The following SYTL2 variants were observed in gnomAD, a reference collection of about 807,000 sequenced individuals.
SYTL2 encodes the protein synaptotagmin-like protein 2.
In SYTL2, 165 loss-of-function variants were observed where a neutral mutation model predicts 198.7. That is an observed-to-expected ratio of 0.83 (90% CI 0.73 to 0.94). SYTL2 has a LOEUF of 0.94. Among genes scored for constraint, SYTL2 ranks in the 40% least tolerant of loss-of-function variants. SYTL2 has a pLI of 0.00. For missense variants in SYTL2, 2,835 were observed against 2,582.8 expected, an observed-to-expected ratio of 1.10 and a Z score of -2.12; for synonymous variants, 966 against 917.7, an observed-to-expected ratio of 1.05 and a Z score of -0.95.
Position 85,718,941 on chromosome 11 carries a change from T to C in SYTL2, c.5429-98A>G. The C allele has an allele frequency of 5.8e-6, 9 of 1,554,988 alleles. No homozygotes were observed. The East Asian group carries it at 1.9e-4, about 33-fold the overall frequency. ...GGAAGCCCCCGGAGTTGGAAGCAAT[T>C]AGTCAAGATGCAATGAGGGGTGCAA... is the stretch of plus-strand genomic sequence containing the variant. On this transcript the variant is annotated intron_variant, in intron 9 of 19. Transcript: ENST00000359152.
chr11:85,789,334 GTGTGTGTATATA>G (rs1210218541), intron 1 of SYTL2, among the ~76,000 whole-genome samples: 2 of 27,462 alleles, frequency 7.3e-5, no homozygotes, highest in East Asian at 1.6e-3. Flanking sequence ...ATGTGTGTGT[GTGTGTGTATATA>G]TATATATATA....
chr11:85,795,116 G>T (rs1327082503), intron 1 of SYTL2, among the ~76,000 whole-genome samples: 2 of 152,108 alleles, frequency 1.3e-5, no homozygotes, highest in Non-Finnish European at 2.9e-5. Flanking sequence ...ATGTATAAAA[G>T]ACTTAGTCTA....
intron 7 of SYTL2, 196 bp downstream of exon 7, chr11:85,733,743 G>T: frequency 2.0e-6 from 1 of 490,886 alleles, no homozygotes; most frequent in Non-Finnish European, 3.6e-6. Context: ...GGGACTACAG[G>T]CGCCCGCCAC....
Position 85,725,017 on chromosome 11 carries a change from T to C in SYTL2, c.4341A>G (p.Gly1447=), listed in dbSNP as rs1253315047. The C allele has an allele frequency of 1.2e-6, 2 of 1,614,036 alleles. No individual in the cohort carries two copies. Among genetic ancestry groups the C allele is most frequent in the South Asian group, 1.1e-5 (1 of 91,060 alleles). ...GAGACATTTGGGCAGCTAAATAAGA[T>C]CCAACTTCATGAGTTTTATCAGGAA... ...NVVPDKTHEV[G]SYLAAQMSPS... Residue 1447 remains glycine, a synonymous_variant, in exon 8 of 20, where the codon GGA becomes GGG. Transcript: ENST00000359152.
chr11:85,729,760 T>G (rs889170448), intron 7 of SYTL2, among the ~76,000 whole-genome samples: 1 of 151,690 alleles, frequency 6.6e-6, no homozygotes, highest in Non-Finnish European at 1.5e-5. Context: ...CTGAAGGAGA[T>G]AGTGACACAA....
At position 85,782,034 on chromosome 11, in the gene SYTL2, C is replaced by G. The variant is rs191879503; in HGVS notation, c.-389-23920G>C. 1.1e-4 allele frequency among the ~76,000 whole-genome samples: 16 copies of G among 152,336 alleles called. No individual in the cohort carries two copies. In the East Asian group the frequency reaches 2.9e-3, roughly 28 times the overall value. ...CCAGTGGGGACTGGGTGTGGGGTCT[C>G]CAACCCCACAGTTCCCTTCTGCACT... is the stretch of plus-strand genomic sequence containing the variant. On this transcript the variant is annotated intron_variant, in intron 1 of 19. Transcript: ENST00000359152.
intron 7 of SYTL2, among the ~76,000 whole-genome samples, chr11:85,733,247 T>A (rs2089985532): frequency 6.6e-6 from 1 of 152,162 alleles, no homozygotes; most frequent in African/African-American, 2.4e-5. Flanking sequence ...ATTAATAAAT[T>A]TGCATTAGGT....
chr11:85,773,954 C>T (rs1488846820), intron 1 of SYTL2, among the ~76,000 whole-genome samples: 1 of 66,354 alleles, frequency 1.5e-5, no homozygotes, highest in Non-Finnish European at 3.0e-5. Context: ...TGATGTCCAG[C>T]TATGTGGTTT....
chr11:85,725,492 C>T lies in SYTL2; in HGVS notation c.3866G>A (p.Gly1289Asp), dbSNP rs371022633. 6.2e-7 allele frequency: 1 copy of T among 1,614,060 alleles called. No homozygotes were observed. Among genetic ancestry groups the T allele is most frequent in the Admixed American group, 1.7e-5 (1 of 60,022 alleles). ...ATTCTGTGTGCTTAGCTGGCACTCA[C>T]CACTTTCAGCTTTCTTGAGGAGAGC... is the stretch of plus-strand genomic sequence containing the variant. Reference protein sequence around the residue: ...NTALLKKAESGECQLSTQNLI... With the variant: ...NTALLKKAESDECQLSTQNLI... Residue 1289 changes from glycine to aspartate, a missense_variant, in exon 8 of 20, where the codon GGT becomes GAT. Physicochemically the swap from Gly to Asp is moderately conservative, Grantham distance 94. Around this residue, in one of 3 missense-constraint regions of SYTL2, gnomAD observed 2,645 missense variants for 2,381.7 expected, o/e 1.11. Coordinates refer to ENST00000359152, the MANE Select transcript of SYTL2 (RefSeq NM_206927.4).
In SYTL2 at chr11:85,702,978, G is replaced by A. The variant is rs76446330; in HGVS notation, c.6189+1880C>T. Among the ~76,000 whole-genome samples, 1,136 of 152,236 alleles carry A rather than the reference G, an allele frequency of 7.5e-3. 4 individuals are homozygous for A. Among genetic ancestry groups the A allele is most frequent in the Non-Finnish European group, 0.011 (779 of 68,006 alleles). ...AATAGTCAAAAGAAAATATGCTTTC[G>A]AAAATATAAGCTTTATATTATAGAT... is the stretch of plus-strand genomic sequence containing the variant. On this transcript the variant is annotated intron_variant, in intron 16 of 19. Coordinates refer to ENST00000359152, the MANE Select transcript of SYTL2 (RefSeq NM_206927.4).
the SYTL2 span, among the ~76,000 whole-genome samples, chr11:85,816,164 C>T: frequency 2.6e-5 from 4 of 151,826 alleles, no homozygotes; most frequent in African/African-American, 4.8e-5. Flanking sequence ...GACTCCTTCT[C>T]AATAAATTAA....
the SYTL2 span, chr11:85,852,928 G>C: frequency 1.0e-5 from 3 of 297,204 alleles, no homozygotes; most frequent in Non-Finnish European, 2.0e-5. Context: ...TGGGAGGTGA[G>C]GAGCGTCTCT....
chr11:85,737,660 C>T lies in SYTL2; in HGVS notation c.390-4G>A, dbSNP rs115841204. 319 of 1,609,970 alleles carry T rather than the reference C, an allele frequency of 2.0e-4. 2 individuals are homozygous for T. The African/African-American group carries it at 3.9e-3, about 20-fold the overall frequency. On this transcript the variant is annotated splice_region_variant and splice_polypyrimidine_tract_variant and intron_variant, in intron 4 of 19. Coordinates refer to ENST00000359152, the MANE Select transcript of SYTL2 (RefSeq NM_206927.4). ...AGCTGGATTTACCACACTGGAACTGCAAAAGAAACAATAATTCAGAGAATA... is the reference window on the plus strand; with the variant it reads ...AGCTGGATTTACCACACTGGAACTGTAAAAGAAACAATAATTCAGAGAATA...
In SYTL2 at chr11:85,696,604, C is replaced by T. The variant is rs149172594; in HGVS notation, c.6369-216G>A. 2.4e-4 allele frequency: 132 copies of T among 559,074 alleles called. No individual in the cohort carries two copies. The East Asian group carries it at 3.7e-3, about 16-fold the overall frequency. 34.6% of individuals were successfully genotyped at this position (559,074 alleles called of 1,614,324 possible). A position where few individuals can be genotyped will look rare whatever the true frequency, so the allele number is the denominator to read the frequency against. Reference sequence around the variant, plus strand: ...GAGTCAGCTATACTTGGTTTGAATCCTGACTCTGCTACCTCCTGGGTATGC... The same window carrying T: ...GAGTCAGCTATACTTGGTTTGAATCTTGACTCTGCTACCTCCTGGGTATGC... On this transcript the variant is annotated intron_variant, in intron 18 of 19. Transcript: ENST00000359152.
intron 1 of SYTL2, among the ~76,000 whole-genome samples, chr11:85,770,342 T>C (rs2092329966): frequency 6.6e-6 from 1 of 152,172 alleles, no homozygotes; most frequent in African/African-American, 2.4e-5. Context: ...CTACCACTCA[T>C]GTAGGCGGAT....
intron 2 of SYTL2, among the ~76,000 whole-genome samples, chr11:85,750,291 A>C (rs1015764056): frequency 6.6e-6 from 1 of 152,166 alleles, no homozygotes; most frequent in Non-Finnish European, 1.5e-5. Flanking sequence ...TGAGATGTTT[A>C]ACTGAAAGTA....
intron 1 of SYTL2, among the ~76,000 whole-genome samples, chr11:85,769,623 A>G (rs1482551518): frequency 1.3e-5 from 2 of 152,240 alleles, no homozygotes. Flanking sequence ...TGAGGACACG[A>G]TGTTACTTAT....
At chr11:85,829,148 T>A in the SYTL2 span, among the ~76,000 whole-genome samples, 1 of 152,102 alleles carries the variant, frequency 6.6e-6, no homozygotes, top group South Asian at 2.1e-4. Flanking sequence ...TATTATGTGA[T>A]GCTGAAGTTT....
At chr11:85,745,144 A>T (rs1277275351) in intron 4 of SYTL2, among the ~76,000 whole-genome samples, 1 of 152,208 alleles carries the variant, frequency 6.6e-6, no homozygotes, top group Non-Finnish European at 1.5e-5. Flanking sequence ...AAGAATATAG[A>T]CTCAGAAAGG....
Sources: allele counts gnomAD v4.1 joint callset (sites outside exome capture counted in the v4.1 genomes callset), GRCh38; gene constraint gnomAD v4.1.1; regional missense constraint gnomAD v4.1.1; transcripts MANE v1.5; gene names NCBI Gene and HGNC (gene_info 2026-07-23, HGNC 2026-07-21).